The following FBXL17 variants were observed in gnomAD, a reference collection of about 807,000 sequenced individuals.
FBXL17 encodes F-box and leucine rich repeat protein 17.
A neutral mutation model predicts 66.2 loss-of-function variants in FBXL17; 22 were observed. The ratio of observed to expected loss-of-function variants is 0.33; its 90% confidence interval spans 0.24 to 0.47. FBXL17 has a LOEUF of 0.47. Ranked by LOEUF, FBXL17 falls within the 20% of genes least tolerant of loss-of-function variation. The pLI is 1.00. For synonymous variants in FBXL17, 474 were observed against 400.5 expected, an observed-to-expected ratio of 1.18 and a Z score of -2.19; for missense variants, 878 against 948.2, an observed-to-expected ratio of 0.93 and a Z score of 0.97.
chr5:108,087,141 C>A (rs1749005336), intron 6 of FBXL17, among the ~76,000 whole-genome samples: 1 of 152,240 alleles, frequency 6.6e-6, no homozygotes, highest in African/African-American at 2.4e-5. Context: ...CCTACCCAAC[C>A]TCTGAGCCTC....
chr5:108,276,174 A>G (rs1757474461), intron 4 of FBXL17, among the ~76,000 whole-genome samples: 1 of 152,178 alleles, frequency 6.6e-6, no homozygotes, highest in South Asian at 2.1e-4. Context: ...TTAATCCTTC[A>G]TATTTCACTC....
At chr5:107,952,899 T>C (rs189203447) in intron 7 of FBXL17, among the ~76,000 whole-genome samples, 69 of 152,292 alleles carry the variant, frequency 4.5e-4, no homozygotes. Flanking sequence ...GGGAAATCTA[T>C]ATCTATATAA....
At chr5:107,981,534 A>G (rs761274413) in intron 7 of FBXL17, among the ~76,000 whole-genome samples, 1 of 152,194 alleles carries the variant, frequency 6.6e-6, no homozygotes, top group African/African-American at 2.4e-5. Context: ...ATGGTGTAGG[A>G]AGGACTGACG....
At chr5:107,992,117 TG>T (rs1371069460) in intron 7 of FBXL17, among the ~76,000 whole-genome samples, 1 of 144,132 alleles carries the variant, frequency 6.9e-6, no homozygotes, top group East Asian at 2.0e-4. Context: ...TGTGTGTGTG[TG>T]TAAAATGACT....
intron 6 of FBXL17, among the ~76,000 whole-genome samples, chr5:108,113,868 G>A (rs1201747195): frequency 6.6e-6 from 1 of 152,148 alleles, no homozygotes; most frequent in Admixed American, 6.5e-5. Context: ...GAAGCTGTGT[G>A]TAACTATTCT....
At chr5:108,013,228 G>A (rs749500490) in intron 7 of FBXL17, among the ~76,000 whole-genome samples, 20 of 152,042 alleles carry the variant, frequency 1.3e-4, no homozygotes, top group Non-Finnish European at 2.5e-4. Flanking sequence ...CATAATATAT[G>A]TTAATGGAAG....
intron 5 of FBXL17, among the ~76,000 whole-genome samples, chr5:108,221,884 C>T (rs1016805211): frequency 2.6e-5 from 4 of 152,080 alleles, no homozygotes; most frequent in African/African-American, 7.2e-5. Context: ...ATAAAATGTC[C>T]TCTTTTGCCT....
At chr5:108,295,254 TTC>T (rs1758297436) in intron 4 of FBXL17, among the ~76,000 whole-genome samples, 1 of 151,786 alleles carries the variant, frequency 6.6e-6, no homozygotes, top group Non-Finnish European at 1.5e-5. Flanking sequence ...TTTAAGAACT[TTC>T]TCCCAAATTC....
At chr5:108,056,704 A>C (rs78611394) in intron 6 of FBXL17, among the ~76,000 whole-genome samples, 1,966 of 152,320 alleles carry the variant, frequency 0.013, 45 homozygotes, top group African/African-American at 0.045. Flanking sequence ...CTAGCTAAGG[A>C]GCACTCTCTG....
At chr5:108,195,003 A>T (rs1321380194) in intron 5 of FBXL17, among the ~76,000 whole-genome samples, 1 of 152,190 alleles carries the variant, frequency 6.6e-6, no homozygotes, top group East Asian at 1.9e-4. Context: ...TTAATCACTT[A>T]AAAAATGCAA....
chr5:107,915,492 T>G (rs1750098541), intron 7 of FBXL17, among the ~76,000 whole-genome samples: 1 of 152,152 alleles, frequency 6.6e-6, no homozygotes, highest in South Asian at 2.1e-4. Context: ...GAAGAAAAAT[T>G]TCCACCAATA....
At chr5:107,869,035 T>C (rs1388762880) in intron 8 of FBXL17, among the ~76,000 whole-genome samples, 1 of 152,174 alleles carries the variant, frequency 6.6e-6, no homozygotes, top group Non-Finnish European at 1.5e-5. Context: ...ACCCCTTTAT[T>C]TGCAGGTGGG....
At chr5:108,204,098 T>A (rs1754010323) in intron 5 of FBXL17, among the ~76,000 whole-genome samples, 1 of 152,058 alleles carries the variant, frequency 6.6e-6, no homozygotes, top group Admixed American at 6.6e-5. Context: ...ACGCAACACA[T>A]CCCAAATACT....
At chr5:108,204,808 AAAGTTTTTT>A (rs142295816) in intron 5 of FBXL17, among the ~76,000 whole-genome samples, 18,402 of 152,112 alleles carry the variant, frequency 0.12, 1,336 homozygotes, top group Admixed American at 0.16. Context: ...TTACCCCTTA[AAAGTTTTTT>A]AATCATTATG....
chr5:107,984,732 G>C (rs994670701), intron 7 of FBXL17, among the ~76,000 whole-genome samples: 6 of 152,134 alleles, frequency 3.9e-5, no homozygotes, highest in African/African-American at 7.2e-5. Context: ...AAAATAATTT[G>C]TTATGCTTTT....
At chr5:108,310,651 G>GAGCT (rs1433221143) in intron 4 of FBXL17, among the ~76,000 whole-genome samples, 1 of 152,010 alleles carries the variant, frequency 6.6e-6, no homozygotes, top group Non-Finnish European at 1.5e-5. Context: ...AAATAACTTA[G>GAGCT]AGCTAGCTAC....
chr5:108,056,346 A>C (rs1481575251), intron 6 of FBXL17, among the ~76,000 whole-genome samples: 1 of 152,202 alleles, frequency 6.6e-6, no homozygotes, highest in South Asian at 2.1e-4. Context: ...AGTGAAAGTA[A>C]GTCTTTGAAC....
chr5:108,214,851 C>T (rs1754532617), intron 5 of FBXL17, among the ~76,000 whole-genome samples: 2 of 152,222 alleles, frequency 1.3e-5, no homozygotes, highest in African/African-American at 4.8e-5. Context: ...CATTGAGTGA[C>T]GTGTGCAACC....
intron 8 of FBXL17, among the ~76,000 whole-genome samples, chr5:107,869,527 G>T (rs1453177656): frequency 6.6e-6 from 1 of 151,938 alleles, no homozygotes; most frequent in African/African-American, 2.4e-5. Flanking sequence ...AGGACACTAA[G>T]AAAAGAAAAA....
Sources: allele counts gnomAD v4.1 joint callset (sites outside exome capture counted in the v4.1 genomes callset), GRCh38; gene constraint gnomAD v4.1.1; transcripts MANE v1.5; gene names NCBI Gene and HGNC (gene_info 2026-07-23, HGNC 2026-07-21).